The following SUCLG2 variants were observed in gnomAD, a reference collection of about 807,000 sequenced individuals.
SUCLG2 encodes the protein succinate-CoA ligase GDP-forming subunit beta.
SUCLG2 carries 42 observed loss-of-function variants against 47.9 expected under a neutral mutation model. That is an observed-to-expected ratio of 0.88 (90% confidence interval 0.69 to 1.14). The LOEUF (loss-of-function observed/expected upper bound fraction) is 1.14, where lower values mean the gene tolerates loss of function less well. SUCLG2 is among the 50% of genes most tolerant of loss of function. SUCLG2 has a pLI of 0.00. For synonymous variants in SUCLG2, 195 were observed against 197.3 expected (o/e 0.99, Z 0.10); for missense variants, 571 against 525.9 (o/e 1.09, Z -0.84).
At chr3:67,366,837 G>T (rs1239838233) in intron 10 of SUCLG2, among the ~76,000 whole-genome samples, 1 of 152,156 alleles carries the variant, frequency 6.6e-6, no homozygotes, top group Admixed American at 6.5e-5. Flanking sequence ...CCATGTTTTT[G>T]AGGTGCTGAT....
intron 9 of SUCLG2, among the ~76,000 whole-genome samples, chr3:67,456,756 C>T (rs149713660): frequency 6.6e-6 from 1 of 152,216 alleles, no homozygotes; most frequent in Non-Finnish European, 1.5e-5. Context: ...CTCTCTCAAG[C>T]AAAACAGCTA....
At chr3:67,629,975 T>C (rs1700898679) in intron 1 of SUCLG2, among the ~76,000 whole-genome samples, 1 of 152,104 alleles carries the variant, frequency 6.6e-6, no homozygotes, top group Admixed American at 6.5e-5. Context: ...CCCCTTCTCA[T>C]CTTGCAACCC....
intron 7 of SUCLG2, among the ~76,000 whole-genome samples, chr3:67,503,851 G>C (rs1705567485): frequency 6.6e-6 from 1 of 152,210 alleles, no homozygotes; most frequent in African/African-American, 2.4e-5. Context: ...AGTGGCGTGA[G>C]ATTCTGTGAG....
chr3:67,396,832 G>C (rs1319822473), intron 10 of SUCLG2, among the ~76,000 whole-genome samples: 1 of 152,168 alleles, frequency 6.6e-6, no homozygotes, highest in Non-Finnish European at 1.5e-5. Context: ...CCATGATCAA[G>C]TGGTCTTCAT....
chr3:67,578,435 T>G (rs553182392), intron 2 of SUCLG2, among the ~76,000 whole-genome samples: 1 of 152,072 alleles, frequency 6.6e-6, no homozygotes, highest in Non-Finnish European at 1.5e-5. Flanking sequence ...TATGAGAATT[T>G]ATGTTTTCAA....
chr3:67,416,440 A>T (rs984145866), intron 9 of SUCLG2, among the ~76,000 whole-genome samples: 1 of 152,182 alleles, frequency 6.6e-6, no homozygotes, highest in African/African-American at 2.4e-5. Context: ...GATTTTCCTA[A>T]ATTTTATACT....
intron 1 of SUCLG2, among the ~76,000 whole-genome samples, chr3:67,625,347 C>T (rs1010642289): frequency 6.6e-6 from 1 of 152,146 alleles, no homozygotes; most frequent in East Asian, 1.9e-4. Flanking sequence ...TACAAGTTTG[C>T]TGGCAAAGTA....
chr3:67,368,721 T>G (rs1456271187), intron 10 of SUCLG2, among the ~76,000 whole-genome samples: 1 of 152,152 alleles, frequency 6.6e-6, no homozygotes, highest in East Asian at 1.9e-4. Context: ...TTCTCCTACC[T>G]CAGCCTCCCA....
intron 9 of SUCLG2, among the ~76,000 whole-genome samples, chr3:67,425,751 C>T (rs1422396976): frequency 6.6e-6 from 1 of 152,156 alleles, no homozygotes; most frequent in East Asian, 1.9e-4. Flanking sequence ...CTGTATGAGC[C>T]AATACCTTAT....
At chr3:67,408,230 T>C (rs1037325164) in intron 9 of SUCLG2, among the ~76,000 whole-genome samples, 2 of 152,194 alleles carry the variant, frequency 1.3e-5, no homozygotes, top group Admixed American at 1.3e-4. Flanking sequence ...GCCAGGATCC[T>C]TGGAATAAAG....
chr3:67,525,545 A>T (rs1706232564), intron 4 of SUCLG2, among the ~76,000 whole-genome samples: 1 of 152,214 alleles, frequency 6.6e-6, no homozygotes, highest in Non-Finnish European at 1.5e-5. Flanking sequence ...TTTTCAAAAA[A>T]TGGTGCAGGA....
chr3:67,435,564 G>C (rs1018523914), intron 9 of SUCLG2, among the ~76,000 whole-genome samples: 1 of 152,176 alleles, frequency 6.6e-6, no homozygotes, highest in South Asian at 2.1e-4. Flanking sequence ...TGGGGAGAAT[G>C]TACATGCATC....
At chr3:67,560,587 A>G (rs573727327) in intron 2 of SUCLG2, among the ~76,000 whole-genome samples, 33 of 152,274 alleles carry the variant, frequency 2.2e-4, no homozygotes, top group South Asian at 4.1e-4. Context: ...TTCAATTATT[A>G]ATACACAAAG....
chr3:67,519,765 T>TA (rs1465949168), intron 5 of SUCLG2, among the ~76,000 whole-genome samples: 11 of 152,228 alleles, frequency 7.2e-5, no homozygotes, highest in Admixed American at 7.2e-4. Flanking sequence ...TCTGAAAACT[T>TA]ATGTTTTTCT....
chr3:67,605,383 C>A (rs1282837969), intron 2 of SUCLG2, among the ~76,000 whole-genome samples: 1 of 152,104 alleles, frequency 6.6e-6, no homozygotes, highest in African/African-American at 2.4e-5. Flanking sequence ...TATTTATGAT[C>A]AACTAATTTC....
chr3:67,418,384 G>A (rs1197709624), intron 9 of SUCLG2, among the ~76,000 whole-genome samples: 1 of 152,108 alleles, frequency 6.6e-6, no homozygotes, highest in Non-Finnish European at 1.5e-5. Context: ...CAGGAAAACT[G>A]AGGCTCAGAA....
intron 9 of SUCLG2, among the ~76,000 whole-genome samples, chr3:67,495,444 G>A (rs1287711192): frequency 6.6e-6 from 1 of 152,018 alleles, no homozygotes. Context: ...CACGAGGTAG[G>A]GAGTTTGAGA....
chr3:67,596,141 G>A (rs949194814), intron 2 of SUCLG2, among the ~76,000 whole-genome samples: 3 of 152,230 alleles, frequency 2.0e-5, no homozygotes, highest in African/African-American at 7.2e-5. Context: ...AAGGCAAGGA[G>A]TGGTTTGGTT....
At chr3:67,612,862 C>A (rs889623839) in intron 1 of SUCLG2, among the ~76,000 whole-genome samples, 3 of 152,190 alleles carry the variant, frequency 2.0e-5, no homozygotes, top group African/African-American at 7.2e-5. Context: ...GTTCCCAAGA[C>A]CTCCTCCTCG....
Sources: allele counts gnomAD v4.1 joint callset (sites outside exome capture counted in the v4.1 genomes callset), GRCh38; gene constraint gnomAD v4.1.1; transcripts MANE v1.5; gene names NCBI Gene and HGNC (gene_info 2026-07-23, HGNC 2026-07-21).